ZDHHC15: variants seen among roughly 807,000 people sequenced by gnomAD.
ZDHHC15 encodes palmitoyltransferase ZDHHC15.
ZDHHC15 carries 19 observed loss-of-function variants against 31.7 expected under a neutral mutation model. The ratio of observed to expected loss-of-function variants is 0.60; its 90% CI spans 0.42 to 0.88. ZDHHC15 has a LOEUF of 0.88. ZDHHC15 is among the 40% of genes least tolerant of loss of function. ZDHHC15 has a pLI of 0.00. For missense variants in ZDHHC15, 209 were observed against 251.2 expected, an observed-to-expected ratio of 0.83 and a Z score of 1.14; for synonymous variants, 103 against 90.0, an observed-to-expected ratio of 1.14 and a Z score of -0.82.
chrX:75,379,086 G>A (rs2083088634), intron 11 of ZDHHC15, 34 bp downstream of exon 11: 13 of 1,123,876 alleles, frequency 1.2e-5, no homozygotes, highest in Middle Eastern at 2.4e-4. Context: ...AGCAGTCCAG[G>A]TGCCACTGTA....
intron 4 of ZDHHC15, among the ~76,000 whole-genome samples, chrX:75,439,220 T>A (rs776109942): frequency 8.9e-6 from 1 of 111,823 alleles, no homozygotes; most frequent in South Asian, 3.8e-4. Context: ...CCAGGGACAT[T>A]TTCCTCGGTT....
chrX:75,507,511 A>G (rs1247488022), intron 1 of ZDHHC15, among the ~76,000 whole-genome samples: 3 of 111,830 alleles, frequency 2.7e-5, no homozygotes, highest in Non-Finnish European at 5.7e-5. Flanking sequence ...AAGAGGCTAG[A>G]ATATTTCAGT....
At chrX:75,520,626 T>C (rs1353416138) in intron 1 of ZDHHC15, among the ~76,000 whole-genome samples, 2 of 110,925 alleles carry the variant, frequency 1.8e-5, no homozygotes, top group Non-Finnish European at 3.8e-5. Flanking sequence ...ACCATAATAA[T>C]GGTGCTGAAC....
At chrX:75,489,099 T>G (rs2084827256) in intron 2 of ZDHHC15, among the ~76,000 whole-genome samples, 1 of 111,887 alleles carries the variant, frequency 8.9e-6, no homozygotes, top group Non-Finnish European at 1.9e-5. Context: ...CCTGGAAGAT[T>G]GAACTGGGTG....
intron 8 of ZDHHC15, among the ~76,000 whole-genome samples, chrX:75,422,674 GTTATCATGAAGCTT>G (rs1295751607): frequency 9.0e-6 from 1 of 111,352 alleles, no homozygotes; most frequent in Non-Finnish European, 1.9e-5. Context: ...TTCAGACTCT[GTTATCATGAAGCTT>G]TTAGTGGTTT....
chrX:75,445,362 T>C (rs1275441121), intron 4 of ZDHHC15, among the ~76,000 whole-genome samples: 5 of 111,897 alleles, frequency 4.5e-5, no homozygotes, highest in South Asian at 3.7e-4. Context: ...AATGGAAATA[T>C]GCAAAGTATC....
intron 11 of ZDHHC15, among the ~76,000 whole-genome samples, chrX:75,373,924 C>CTTTTTTTTTTTTTT (rs1298329750): frequency 5.2e-5 from 1 of 19,058 alleles, no homozygotes. Flanking sequence ...TTCATTCTTT[C>CTTTTTTTTTTTTTT]TGTTTTTTTT....
intron 7 of ZDHHC15, among the ~76,000 whole-genome samples, chrX:75,427,183 C>G (rs922946582): frequency 2.7e-5 from 3 of 111,351 alleles, no homozygotes; most frequent in Non-Finnish European, 5.7e-5. Context: ...GCTAAAGAGA[C>G]TGCCAGGGAG....
intron 1 of ZDHHC15, among the ~76,000 whole-genome samples, chrX:75,511,552 C>A (rs1230905588): frequency 1.2e-5 from 1 of 84,372 alleles, no homozygotes; most frequent in Non-Finnish European, 2.3e-5. Flanking sequence ...ATGGTAGTTT[C>A]TTTTGCTGTG....
chrX:75,424,045 GACTA>G (rs759136178), intron 8 of ZDHHC15, among the ~76,000 whole-genome samples: 20 of 111,237 alleles, frequency 1.8e-4, no homozygotes, highest in South Asian at 3.8e-4. Flanking sequence ...ATAGCCTATA[GACTA>G]ACTGACAGAA....
At chrX:75,479,854 A>G (rs2084662297) in intron 2 of ZDHHC15, among the ~76,000 whole-genome samples, 1 of 111,943 alleles carries the variant, frequency 8.9e-6, no homozygotes, top group Non-Finnish European at 1.9e-5. Flanking sequence ...ATTCTTTCTT[A>G]TGGCTGAATA....
At chrX:75,513,351 T>G (rs1245435426) in intron 1 of ZDHHC15, among the ~76,000 whole-genome samples, 3 of 111,981 alleles carry the variant, frequency 2.7e-5, no homozygotes, top group Non-Finnish European at 3.8e-5. Context: ...ACTCCAGACT[T>G]ACATCCCTCC....
chrX:75,478,112 T>C (rs1297746244), intron 3 of ZDHHC15, among the ~76,000 whole-genome samples: 1 of 111,959 alleles, frequency 8.9e-6, no homozygotes, highest in Admixed American at 9.5e-5. Flanking sequence ...AAATGCCTGA[T>C]ATAATCACAA....
chrX:75,384,494 A>T, intron 10 of ZDHHC15: 3 of 724,997 alleles, frequency 4.1e-6, no homozygotes, highest in Non-Finnish European at 6.5e-6. Flanking sequence ...ACTGTTCAAA[A>T]AGGAATGCCC....
intron 1 of ZDHHC15, among the ~76,000 whole-genome samples, chrX:75,522,036 G>T (rs2085449850): frequency 9.0e-6 from 1 of 111,281 alleles, no homozygotes; most frequent in Non-Finnish European, 1.9e-5. Context: ...ACCAGTATAA[G>T]GTGTCAGAAA....
At chrX:75,495,491 T>C (rs1395550788) in intron 2 of ZDHHC15, among the ~76,000 whole-genome samples, 3 of 110,781 alleles carry the variant, frequency 2.7e-5, no homozygotes, top group Non-Finnish European at 5.7e-5. Context: ...CGTATGTTTA[T>C]TGCGGCACTA....
intron 10 of ZDHHC15, among the ~76,000 whole-genome samples, chrX:75,390,311 G>A (rs1281466118): frequency 8.9e-6 from 1 of 111,896 alleles, no homozygotes; most frequent in African/African-American, 3.2e-5. Flanking sequence ...GGGAAGAACA[G>A]AAACCTGGCT....
chrX:75,384,203 A>G, intron 10 of ZDHHC15: 1 of 438,817 alleles, frequency 2.3e-6, no homozygotes, highest in East Asian at 3.8e-5. Flanking sequence ...TAATCATCCC[A>G]AATATGTAAT....
intron 10 of ZDHHC15, among the ~76,000 whole-genome samples, chrX:75,403,878 T>C (rs182596454): frequency 8.9e-6 from 1 of 111,848 alleles, no homozygotes; most frequent in East Asian, 2.8e-4. Context: ...GACAAATGTT[T>C]TAAAATTCTC....
Sources: gnomAD v4.1 joint callset for allele counts (sites outside exome capture counted in the v4.1 genomes callset) on GRCh38, gnomAD v4.1.1 for gene constraint, MANE v1.5 for transcripts, NCBI Gene and HGNC (gene_info 2026-07-23, HGNC 2026-07-21) for gene names.